The following BIN3 variants were observed in gnomAD, a reference collection of about 807,000 sequenced individuals.
BIN3 encodes the protein bridging integrator 3.
In BIN3, 41 loss-of-function variants were observed where a neutral mutation model predicts 38.2. The observed-to-expected ratio is 1.07, with a 90% CI of 0.84 to 1.39. BIN3 has a LOEUF of 1.39. Ranked by LOEUF, BIN3 falls within the 40% of genes most tolerant of loss-of-function variation. The pLI is 0.00. For synonymous variants in BIN3, 145 were observed against 122.6 expected, an observed-to-expected ratio of 1.18 and a Z score of -1.21; for missense variants, 361 against 324.3, an observed-to-expected ratio of 1.11 and a Z score of -0.87.
At chr8:22,644,530 A>C in intron 2 of BIN3, 1 of 527,640 alleles carries the variant, frequency 1.9e-6, no homozygotes, top group Non-Finnish European at 3.5e-6. Context: ...CCCCTGCCCA[A>C]GGATGATAAA....
At chr8:22,663,462 A>G (rs78877613) in intron 1 of BIN3, among the ~76,000 whole-genome samples, 1 of 144,826 alleles carries the variant, frequency 6.9e-6, no homozygotes, top group East Asian at 2.0e-4. Flanking sequence ...AAAAAAAAAA[A>G]GGAAACTATT....
At chr8:22,642,697 T>G (rs551682733) in intron 2 of BIN3, among the ~76,000 whole-genome samples, 1 of 152,336 alleles carries the variant, frequency 6.6e-6, no homozygotes, top group East Asian at 1.9e-4. Context: ...GTCATCATCC[T>G]GATTTTATAA....
chr8:22,651,298 G>C (rs1424404711), intron 1 of BIN3, among the ~76,000 whole-genome samples: 1 of 152,070 alleles, frequency 6.6e-6, no homozygotes, highest in Non-Finnish European at 1.5e-5. Context: ...TCGTTATCAG[G>C]TGTTCTCTCC....
rs1180872498 is a variant in BIN3, at chr8:22,620,751, C to G, written c.*671G>C. 1 of 152,234 alleles carries G rather than the reference C, an allele frequency of 6.6e-6. No homozygotes were observed. The highest frequency in any genetic ancestry group is 2.4e-5 in the African/African-American group (1 of 41,448). 9.4% of individuals were successfully genotyped at this position (152,234 alleles called of 1,614,324 possible). The stretch of plus-strand genomic sequence containing the variant: ...AAATTTTACTTGAAAAAATAAAATT[C>G]CAGATACTCAGGTGAGACACAAACC... On this transcript the variant is annotated 3_prime_UTR_variant, in exon 9 of 9. Transcript: ENST00000276416.
rs1030258098 is a variant in BIN3 at position 22,630,709 on chromosome 8, A to C, written c.161-131T>G. 4.9e-6 allele frequency: 5 copies of C among 1,010,182 alleles called. No individual in the cohort carries two copies. The African/African-American group carries it at 6.5e-5, about 13-fold the overall frequency. 62.6% of individuals were successfully genotyped at this position (1,010,182 alleles called of 1,614,324 possible). A position where few individuals can be genotyped will look rare whatever the true frequency, so the allele number is the denominator to read the frequency against. ...TCTTCCCACAGCCACGGCCGTCAAG[A>C]ACGGCGAAGTACCACACAACCACAA... On this transcript the variant is annotated intron_variant, in intron 4 of 8. Transcript: ENST00000276416.
At chr8:22,635,343 G>C (rs1463849525) in intron 4 of BIN3, among the ~76,000 whole-genome samples, 1 of 152,090 alleles carries the variant, frequency 6.6e-6, no homozygotes, top group Non-Finnish European at 1.5e-5. Flanking sequence ...TTGCTGTTGA[G>C]TCTCTAGTGC....
chr8:22,642,943 C>T (rs555481973), intron 2 of BIN3, among the ~76,000 whole-genome samples: 21 of 152,296 alleles, frequency 1.4e-4, no homozygotes, highest in East Asian at 7.7e-4. Flanking sequence ...GCCCGCACTG[C>T]GAGTCCTTGC....
chr8:22,625,387 C>G, intron 6 of BIN3: 1 of 702,560 alleles, frequency 1.4e-6, no homozygotes, highest in Non-Finnish European at 2.6e-6. Context: ...TCGGAGGTGA[C>G]CCAGGACCAG....
At chr8:22,649,308 CAA>C (rs983849907) in intron 1 of BIN3, among the ~76,000 whole-genome samples, 7 of 152,178 alleles carry the variant, frequency 4.6e-5, no homozygotes, top group Non-Finnish European at 5.9e-5. Context: ...TTCTAAACGT[CAA>C]AGACTTATTT....
intron 1 of BIN3, among the ~76,000 whole-genome samples, chr8:22,649,812 AACACACACAC>A (rs571224082): frequency 1.3e-4 from 12 of 89,246 alleles, no homozygotes; most frequent in Non-Finnish European, 2.6e-4. Context: ...CGCAAAGGAC[AACACACACAC>A]ACACACACAC....
chr8:22,623,679 G>A (rs757059560), intron 8 of BIN3, among the ~76,000 whole-genome samples: 1 of 152,208 alleles, frequency 6.6e-6, no homozygotes, highest in South Asian at 2.1e-4. Context: ...AGGGAACCTC[G>A]GCCATTCCTG....
At chr8:22,641,729 G>A (rs1269843720) in intron 2 of BIN3, among the ~76,000 whole-genome samples, 3 of 152,204 alleles carry the variant, frequency 2.0e-5, no homozygotes, top group African/African-American at 7.2e-5. Context: ...CCCTAACTTT[G>A]CAGAGCACCC....
At chr8:22,640,188 T>C (rs1020191193) in intron 2 of BIN3, among the ~76,000 whole-genome samples, 44 of 151,724 alleles carry the variant, frequency 2.9e-4, no homozygotes, top group Non-Finnish European at 5.9e-4. Context: ...TCTTCTTCTT[T>C]TTTTTTTGAG....
At chr8:22,657,701 G>A (rs930255561) in intron 1 of BIN3, among the ~76,000 whole-genome samples, 12 of 152,242 alleles carry the variant, frequency 7.9e-5, no homozygotes, top group African/African-American at 2.9e-4. Context: ...AGGAAGTGGT[G>A]AAAGGTGGCA....
chr8:22,640,473 G>A (rs1802512614), intron 2 of BIN3, among the ~76,000 whole-genome samples: 1 of 152,076 alleles, frequency 6.6e-6, no homozygotes, highest in South Asian at 2.1e-4. Flanking sequence ...ACAGGCATGA[G>A]CCACCGCGCA....
intron 6 of BIN3, 122 bp from the exon 7 acceptor site, chr8:22,624,485 C>T: frequency 7.5e-7 from 1 of 1,332,646 alleles, no homozygotes; most frequent in Non-Finnish European, 1.0e-6. Flanking sequence ...GGCGTCCTGG[C>T]CAGCACTCAC....
At chr8:22,656,605 T>C (rs994036810) in intron 1 of BIN3, among the ~76,000 whole-genome samples, 6 of 152,206 alleles carry the variant, frequency 3.9e-5, no homozygotes, top group African/African-American at 1.2e-4. Context: ...TTATAGAAAA[T>C]GTTTCCGACT....
At chr8:22,628,173 C>T (rs1247737714) in intron 6 of BIN3, among the ~76,000 whole-genome samples, 1 of 152,226 alleles carries the variant, frequency 6.6e-6, no homozygotes, top group East Asian at 1.9e-4. Flanking sequence ...GGAGCTTCCA[C>T]CCACCAGGAA....
chr8:22,650,877 T>A (rs2117574118), intron 1 of BIN3, among the ~76,000 whole-genome samples: 1 of 152,336 alleles, frequency 6.6e-6, no homozygotes, highest in East Asian at 1.9e-4. Flanking sequence ...CAGCTCTTCT[T>A]CTCAATATAG....
Sources: gnomAD v4.1 joint callset for allele counts (sites outside exome capture counted in the v4.1 genomes callset) on GRCh38, gnomAD v4.1.1 for gene constraint, MANE v1.5 for transcripts, NCBI Gene and HGNC (gene_info 2026-07-23, HGNC 2026-07-21) for gene names.